The following CHIC1 variants were observed in gnomAD, a reference collection of about 807,000 sequenced individuals.
CHIC1 encodes the protein cysteine rich hydrophobic domain 1, also known as cysteine-rich hydrophobic domain-containing protein 1.
CHIC1 carries 7 observed loss-of-function variants against 18.5 expected under a neutral mutation model. That is an observed-to-expected ratio of 0.38 (90% CI 0.22 to 0.71). The LOEUF (loss-of-function observed/expected upper bound fraction) is 0.71, where lower values mean the gene tolerates loss of function less well. Among genes scored for constraint, CHIC1 ranks in the 30% least tolerant of loss-of-function variants. CHIC1 has a pLI of 0.49. For missense variants in CHIC1, 159 were observed against 176.9 expected, an observed-to-expected ratio of 0.90 and a Z score of 0.57; for synonymous variants, 77 against 73.5, an observed-to-expected ratio of 1.05 and a Z score of -0.25.
chrX:73,673,822 C>A (rs1481829494), intron 3 of CHIC1, among the ~76,000 whole-genome samples: 1 of 111,814 alleles, frequency 8.9e-6, no homozygotes, highest in Non-Finnish European at 1.9e-5. Flanking sequence ...TCCCTGTCTT[C>A]TGCCCATTTT....
chrX:73,628,297 G>A (rs143430343), intron 3 of CHIC1, among the ~76,000 whole-genome samples: 1,499 of 111,781 alleles, frequency 0.013, 26 homozygotes, highest in African/African-American at 0.047. Flanking sequence ...TCCAGCTGGC[G>A]TCTCAGCATG....
intron 3 of CHIC1, among the ~76,000 whole-genome samples, chrX:73,646,510 T>A (rs1358671244): frequency 8.9e-6 from 1 of 112,322 alleles, no homozygotes; most frequent in Non-Finnish European, 1.9e-5. Context: ...TCCATTTCTG[T>A]TATCATTGTT....
At chrX:73,583,920 A>G in intron 2 of CHIC1, among the ~76,000 whole-genome samples, 1 of 111,647 alleles carries the variant, frequency 9.0e-6, no homozygotes, top group East Asian at 2.8e-4. Flanking sequence ...TAAAATTGTT[A>G]TATTGCAAAT....
intron 1 of CHIC1, among the ~76,000 whole-genome samples, chrX:73,569,408 G>A (rs1311406189): frequency 1.8e-5 from 2 of 111,489 alleles, no homozygotes; most frequent in Non-Finnish European, 3.8e-5. Context: ...TTAAAAATGT[G>A]GGCGTTGAAG....
chrX:73,610,568 A>C lies in CHIC1; in HGVS notation c.507+25996A>C, dbSNP rs763301894. Among the ~76,000 whole-genome samples the C allele has an allele frequency of 2.8e-5, 3 of 107,876 alleles. 1 individual carries two copies. The highest frequency in any genetic ancestry group is 3.9e-4 in the South Asian group (1 of 2,595). 93.7% of individuals were successfully genotyped at this position (107,876 alleles called of 115,157 possible). A position where few individuals can be genotyped will look rare whatever the true frequency, so the allele number is the denominator to read the frequency against. On this transcript the variant is annotated intron_variant, in intron 3 of 5. Coordinates refer to ENST00000373502, the MANE Select transcript of CHIC1 (RefSeq NM_001039840.4). ...TATGTTGTGTCCTTGTCTGGTTTTG[A>C]TATCAGTGTAATGCTGGCCTATTAG... is the stretch of plus-strand genomic sequence containing the variant.
At chrX:73,588,710 G>GT (rs1212234801) in intron 3 of CHIC1, among the ~76,000 whole-genome samples, 6 of 110,092 alleles carry the variant, frequency 5.4e-5, no homozygotes, top group Admixed American at 4.8e-4. Flanking sequence ...CTGATCTTGA[G>GT]TTTTTTTTCT....
chrX:73,583,231 A>C (rs768039123), intron 2 of CHIC1, among the ~76,000 whole-genome samples: 1 of 111,429 alleles, frequency 9.0e-6, no homozygotes, highest in East Asian at 2.9e-4. Flanking sequence ...AAAACTTCTA[A>C]TAAAGCTTAT....
In CHIC1 at chrX:73,682,677, C is replaced by T. The variant is rs1200294000; in HGVS notation, c.*1672C>T. 1 of 111,852 alleles carries T rather than the reference C, an allele frequency of 8.9e-6. No individual in the cohort carries two copies. The highest frequency in any genetic ancestry group is 1.9e-5 in the Non-Finnish European group (1 of 52,852). 9.2% of individuals were successfully genotyped at this position (111,852 alleles called of 1,213,427 possible). A position where few individuals can be genotyped will look rare whatever the true frequency, so the allele number is the denominator to read the frequency against. On this transcript the variant is annotated 3_prime_UTR_variant, in exon 6 of 6. Coordinates refer to ENST00000373502, the MANE Select transcript of CHIC1 (RefSeq NM_001039840.4). The stretch of plus-strand genomic sequence containing the variant: ...GTTTGCACAAACACTTTTCCACCTT[C>T]CTCTGTGCCCCATTACCTCTGTGCC...
At chrX:73,568,850 G>A (rs191312754) in intron 1 of CHIC1, among the ~76,000 whole-genome samples, 9 of 111,571 alleles carry the variant, frequency 8.1e-5, no homozygotes, top group Middle Eastern at 4.7e-3. Context: ...CAAAAACTTA[G>A]CACTACAAAT....
chrX:73,590,233 C>T (rs977211646), intron 3 of CHIC1, among the ~76,000 whole-genome samples: 25 of 110,280 alleles, frequency 2.3e-4, no homozygotes, highest in African/African-American at 8.2e-4. Flanking sequence ...GGTCTGCAGG[C>T]CACAGATACT....
chrX:73,664,237 A>G (rs1569505246), intron 3 of CHIC1, among the ~76,000 whole-genome samples: 1 of 111,516 alleles, frequency 9.0e-6, no homozygotes, highest in South Asian at 3.8e-4. Flanking sequence ...GATTTGCCCA[A>G]TGTTTCCCTT....
At chrX:73,645,693 G>GCTACCTGTAT (rs1392425976) in intron 3 of CHIC1, among the ~76,000 whole-genome samples, 1 of 111,431 alleles carries the variant, frequency 9.0e-6, no homozygotes, top group Non-Finnish European at 1.9e-5. Flanking sequence ...ATACCTGTTG[G>GCTACCTGTAT]CTACCTGTAT....
At chrX:73,593,794 A>G (rs2057593235) in intron 3 of CHIC1, among the ~76,000 whole-genome samples, 1 of 111,156 alleles carries the variant, frequency 9.0e-6, no homozygotes, top group South Asian at 3.8e-4. Context: ...TGGTCATTTC[A>G]TCTTTCAATT....
At chrX:73,611,782 A>G (rs1312744968) in intron 3 of CHIC1, among the ~76,000 whole-genome samples, 1 of 107,750 alleles carries the variant, frequency 9.3e-6, no homozygotes, top group Non-Finnish European at 1.9e-5. Flanking sequence ...GATGATGAGC[A>G]TTTTTTCATG....
At chrX:73,564,196 A>G (rs993867487) in intron 1 of CHIC1, among the ~76,000 whole-genome samples, 15 of 111,114 alleles carry the variant, frequency 1.3e-4, no homozygotes, top group Non-Finnish European at 2.6e-4. Flanking sequence ...TTTGCTTCTT[A>G]CTGGCCCTGT....
At chrX:73,657,703 A>G (rs1435748169) in intron 3 of CHIC1, among the ~76,000 whole-genome samples, 3 of 112,057 alleles carry the variant, frequency 2.7e-5, no homozygotes, top group African/African-American at 9.7e-5. Context: ...CCAATTTTCA[A>G]GGAGAATGCT....
At chrX:73,625,504 G>C (rs1331235989) in intron 3 of CHIC1, among the ~76,000 whole-genome samples, 5 of 111,346 alleles carry the variant, frequency 4.5e-5, no homozygotes, top group Non-Finnish European at 7.5e-5. Context: ...TCAGGCAGCT[G>C]TTTGTTGGTC....
intron 3 of CHIC1, among the ~76,000 whole-genome samples, chrX:73,661,514 C>T (rs1244946741): frequency 8.9e-6 from 1 of 111,830 alleles, no homozygotes; most frequent in Non-Finnish European, 1.9e-5. Flanking sequence ...CTTGATCAAA[C>T]AATGATGTCA....
At chrX:73,611,347 A>G (rs2057707663) in intron 3 of CHIC1, among the ~76,000 whole-genome samples, 1 of 108,135 alleles carries the variant, frequency 9.2e-6, no homozygotes, top group Non-Finnish European at 1.9e-5. Flanking sequence ...AAGGACATGA[A>G]CTCATCATTT....
Sources: allele counts gnomAD v4.1 joint callset (sites outside exome capture counted in the v4.1 genomes callset), GRCh38; gene constraint gnomAD v4.1.1; transcripts MANE v1.5; gene names NCBI Gene and HGNC (gene_info 2026-07-23, HGNC 2026-07-21).